Variants in ROBO2 observed in about 807,000 individuals in gnomAD.
ROBO2 encodes roundabout homolog 2.
In ROBO2, 53 loss-of-function variants were observed where a neutral mutation model predicts 160.8. The observed-to-expected ratio is 0.33, with a 90% confidence interval of 0.26 to 0.41. The LOEUF (loss-of-function observed/expected upper bound fraction) is 0.41. Among genes scored for constraint, ROBO2 ranks in the 10% least tolerant of loss-of-function variants. The probability of loss-of-function intolerance (pLI) is 1.00; values close to 1 mark genes in which losing one functional copy is unlikely to be tolerated. For missense variants in ROBO2, 1,577 were observed against 1,722.4 expected (o/e 0.92, Z 1.49); for synonymous variants, 664 against 611.7 (o/e 1.09, Z -1.26).
intron 2 of ROBO2, among the ~76,000 whole-genome samples, chr3:76,064,194 A>G (rs1201072946): frequency 1.1e-4 from 16 of 152,132 alleles, no homozygotes; most frequent in Admixed American, 1.0e-3. Context: ...GTTGAGCCAC[A>G]CTCAGATTCC....
At chr3:75,923,171 T>G (rs1559754232) in intron 1 of ROBO2, among the ~76,000 whole-genome samples, 1 of 152,366 alleles carries the variant, frequency 6.6e-6, no homozygotes, top group South Asian at 2.1e-4. Flanking sequence ...CAGTTTTTGA[T>G]GCACATTTTT....
chr3:76,931,946 G>A (rs2077372543), intron 2 of ROBO2, among the ~76,000 whole-genome samples: 1 of 152,164 alleles, frequency 6.6e-6, no homozygotes, highest in Admixed American at 6.5e-5. Context: ...CTCCCAAAGT[G>A]CTGGGATTAC....
intron 2 of ROBO2, among the ~76,000 whole-genome samples, chr3:76,940,050 C>A (rs1330395487): frequency 6.8e-6 from 1 of 146,726 alleles, no homozygotes; most frequent in Non-Finnish European, 1.5e-5. Flanking sequence ...GGCGCTACCT[C>A]GGCTCACTGC....
intron 5 of ROBO2, among the ~76,000 whole-genome samples, chr3:77,504,010 A>T (rs1033758642): frequency 1.3e-5 from 2 of 151,966 alleles, no homozygotes; most frequent in African/African-American, 4.8e-5. Flanking sequence ...TTTTGGGGGG[A>T]TCTCTGTTTT....
At chr3:76,881,366 C>G (rs1397086498) in intron 2 of ROBO2, among the ~76,000 whole-genome samples, 1 of 152,106 alleles carries the variant, frequency 6.6e-6, no homozygotes, top group East Asian at 1.9e-4. Context: ...TTTAGAGTGA[C>G]TGAATGTGGA....
intron 2 of ROBO2, among the ~76,000 whole-genome samples, chr3:76,482,135 C>A (rs951216032): frequency 4.6e-5 from 7 of 152,236 alleles, no homozygotes; most frequent in Admixed American, 1.3e-4. Flanking sequence ...CAGCATGTGA[C>A]CCTAACTAAT....
At chr3:75,967,066 G>A (rs1212480042) in intron 2 of ROBO2, among the ~76,000 whole-genome samples, 2 of 151,704 alleles carry the variant, frequency 1.3e-5, no homozygotes, top group East Asian at 3.9e-4. Flanking sequence ...TGGGAGAAAA[G>A]TGAAGAAATC....
chr3:77,199,132 G>A (rs2150998838), intron 2 of ROBO2, among the ~76,000 whole-genome samples: 1 of 152,272 alleles, frequency 6.6e-6, no homozygotes, highest in African/African-American at 2.4e-5. Flanking sequence ...GGAAGATAAA[G>A]TGTTTGCTCC....
At chr3:77,323,490 A>G (rs2153434121) in intron 2 of ROBO2, among the ~76,000 whole-genome samples, 1 of 152,310 alleles carries the variant, frequency 6.6e-6, no homozygotes, top group Non-Finnish European at 1.5e-5. Flanking sequence ...TAATCAAGAA[A>G]AAGAGCTTTT....
At chr3:77,524,829 C>T (rs976926109) in intron 6 of ROBO2, among the ~76,000 whole-genome samples, 1 of 151,000 alleles carries the variant, frequency 6.6e-6, no homozygotes, top group Non-Finnish European at 1.5e-5. Flanking sequence ...ATAGCCTCTC[C>T]CCTAATCTGT....
At chr3:76,136,837 A>G (rs2071445313) in intron 2 of ROBO2, among the ~76,000 whole-genome samples, 1 of 152,108 alleles carries the variant, frequency 6.6e-6, no homozygotes, top group African/African-American at 2.4e-5. Context: ...CACAAATCAT[A>G]TTCTAGCTTT....
intron 2 of ROBO2, among the ~76,000 whole-genome samples, chr3:76,847,475 A>T (rs887547857): frequency 6.6e-6 from 1 of 152,196 alleles, no homozygotes; most frequent in East Asian, 1.9e-4. Context: ...TAAGAACACC[A>T]CATACTTGTA....
chr3:77,615,171 T>A (rs998053757), intron 21 of ROBO2, among the ~76,000 whole-genome samples: 7 of 152,002 alleles, frequency 4.6e-5, no homozygotes, highest in African/African-American at 1.7e-4. Context: ...AAAAATAAAT[T>A]AAGAGTTTTT....
chr3:77,309,681 G>A (rs1255210064), intron 2 of ROBO2, among the ~76,000 whole-genome samples: 2 of 152,194 alleles, frequency 1.3e-5, no homozygotes, highest in African/African-American at 2.4e-5. Context: ...CATGGCAACT[G>A]CCCTGTCTGC....
At chr3:77,419,417 C>T (rs762226540) in intron 2 of ROBO2, among the ~76,000 whole-genome samples, 2 of 152,004 alleles carry the variant, frequency 1.3e-5, no homozygotes, top group Non-Finnish European at 2.9e-5. Context: ...TAAACATTTG[C>T]TTGTGATAAG....
At chr3:76,549,514 A>AAAG (rs2083296872) in intron 2 of ROBO2, among the ~76,000 whole-genome samples, 1 of 152,216 alleles carries the variant, frequency 6.6e-6, no homozygotes, top group Non-Finnish European at 1.5e-5. Flanking sequence ...TTTTTAAATT[A>AAAG]AAGTACTTAG....
chr3:76,397,381 A>C (rs547113973), intron 2 of ROBO2, among the ~76,000 whole-genome samples: 15 of 152,248 alleles, frequency 9.9e-5, no homozygotes, highest in South Asian at 2.1e-4. Context: ...CTAGAAGAAA[A>C]CCTAGGCATT....
intron 1 of ROBO2, among the ~76,000 whole-genome samples, chr3:77,053,747 A>G (rs1224477080): frequency 6.6e-6 from 1 of 152,190 alleles, no homozygotes; most frequent in East Asian, 1.9e-4. Flanking sequence ...AGTAAAAACT[A>G]ATGCTTTATT....
rs2092030777 is a variant in ROBO2, at chr3:76,666,030, T to TA, written c.110-431983dup. 2.4e-5 allele frequency among the ~76,000 whole-genome samples: 3 copies of TA among 123,448 alleles called. No homozygotes were observed. In the Admixed American group the frequency reaches 2.5e-4, roughly 10 times the overall value. 81.0% of individuals were successfully genotyped at this position (123,448 alleles called of 152,430 possible). A position where few individuals can be genotyped will look rare whatever the true frequency, so the allele number is the denominator to read the frequency against. ...ATATATACATATTATATATTATATA[T>TA]ATTATATATATACTAGATATATGCC... On this transcript the variant is annotated intron_variant, in intron 2 of 26. Coordinates refer to the ROBO2 transcript ENST00000487694.
Sources: allele counts gnomAD v4.1 joint callset (sites outside exome capture counted in the v4.1 genomes callset), GRCh38; gene constraint gnomAD v4.1.1; transcripts MANE v1.5; gene names NCBI Gene and HGNC (gene_info 2026-07-23, HGNC 2026-07-21).